The following GRID2 variants were observed in gnomAD, a reference collection of about 807,000 sequenced individuals.
The protein encoded by GRID2 is glutamate ionotropic receptor delta type subunit 2.
In GRID2, 33 loss-of-function variants were observed where a neutral mutation model predicts 114.8. That is an observed-to-expected ratio of 0.29 (90% CI 0.22 to 0.38). The LOEUF (loss-of-function observed/expected upper bound fraction) is 0.38. Ranked by LOEUF, GRID2 falls within the 10% of genes least tolerant of loss-of-function variation. The probability of loss-of-function intolerance (pLI) is 1.00; values close to 1 mark genes in which losing one functional copy is unlikely to be tolerated. For synonymous variants in GRID2, 505 were observed against 449.9 expected, an observed-to-expected ratio of 1.12 and a Z score of -1.55; for missense variants, 1,184 against 1,257.7, an observed-to-expected ratio of 0.94 and a Z score of 0.89.
chr4:92,654,337 T>C (rs765644379), intron 2 of GRID2, among the ~76,000 whole-genome samples: 6 of 151,952 alleles, frequency 3.9e-5, no homozygotes, highest in Non-Finnish European at 8.8e-5. Context: ...TTAACCAAAT[T>C]ACCTCCCCAA....
chr4:92,492,698 A>G (rs546411255), intron 1 of GRID2, among the ~76,000 whole-genome samples: 22 of 152,288 alleles, frequency 1.4e-4, no homozygotes, highest in Non-Finnish European at 3.1e-4. Flanking sequence ...GCTCCTAGGA[A>G]CCAACAGCTT....
chr4:92,413,809 A>C (rs1166323182), intron 1 of GRID2, among the ~76,000 whole-genome samples: 2 of 152,110 alleles, frequency 1.3e-5, no homozygotes, highest in Admixed American at 1.3e-4. Flanking sequence ...AATGTGAAGA[A>C]ATTTTAGTAT....
intron 2 of GRID2, among the ~76,000 whole-genome samples, chr4:92,905,113 CTTAA>C: frequency 6.6e-6 from 1 of 152,018 alleles, no homozygotes; most frequent in South Asian, 2.1e-4. Flanking sequence ...AATTTCCCTA[CTTAA>C]TTAAGAAATG....
At chr4:93,735,371 A>C (rs1198648836) in intron 14 of GRID2, among the ~76,000 whole-genome samples, 1 of 152,010 alleles carries the variant, frequency 6.6e-6, no homozygotes, top group African/African-American at 2.4e-5. Flanking sequence ...CAACCTAAAG[A>C]AAGTTTTATG....
Position 92,444,496 on chromosome 4 carries a change from T to C in GRID2, c.88+139752T>C, listed in dbSNP as rs552353697. Reference sequence around the variant, plus strand: ...TAATGTCATCACTTAAGGCAAGGACTGGCCATTTACACTTCTTTTGTGGTG... The same window carrying C: ...TAATGTCATCACTTAAGGCAAGGACCGGCCATTTACACTTCTTTTGTGGTG... On this transcript the variant is annotated intron_variant, in intron 1 of 15. Coordinates refer to ENST00000282020, the MANE Select transcript of GRID2 (RefSeq NM_001510.4). Among the ~76,000 whole-genome samples, 79 of 152,248 alleles carry C rather than the reference T, an allele frequency of 5.2e-4. 1 individual carries two copies. The South Asian group carries it at 0.016, about 30-fold the overall frequency.
chr4:92,777,547 G>A (rs111966719), intron 2 of GRID2, among the ~76,000 whole-genome samples: 2 of 152,030 alleles, frequency 1.3e-5, no homozygotes, highest in African/African-American at 4.8e-5. Flanking sequence ...TAAACGAGAT[G>A]ATCTGGACTG....
chr4:93,343,436 C>T (rs1308117639), intron 8 of GRID2, among the ~76,000 whole-genome samples: 1 of 152,014 alleles, frequency 6.6e-6, no homozygotes, highest in East Asian at 1.9e-4. Flanking sequence ...TTGTTTTCCA[C>T]TTTCAACTGT....
intron 2 of GRID2, among the ~76,000 whole-genome samples, chr4:93,061,088 G>A (rs2149292731): frequency 6.7e-6 from 1 of 150,196 alleles, no homozygotes; most frequent in East Asian, 2.0e-4. Flanking sequence ...GGGCAACAGA[G>A]CAAGACTCCA....
intron 14 of GRID2, among the ~76,000 whole-genome samples, chr4:93,701,204 T>C (rs1727479240): frequency 6.6e-6 from 1 of 152,128 alleles, no homozygotes; most frequent in Non-Finnish European, 1.5e-5. Context: ...CTTGTCCACT[T>C]CCATCTTACA....
chr4:92,952,884 G>C (rs1362951090), intron 2 of GRID2, among the ~76,000 whole-genome samples: 3 of 152,144 alleles, frequency 2.0e-5, no homozygotes, highest in African/African-American at 4.8e-5. Flanking sequence ...CTCTTAGAGC[G>C]AGAAGTGAAA....
chr4:93,518,800 G>A (rs1175779990), intron 13 of GRID2, among the ~76,000 whole-genome samples: 1 of 152,052 alleles, frequency 6.6e-6, no homozygotes, highest in African/African-American at 2.4e-5. Context: ...TGAGTAAAGT[G>A]TTTTTAGAAA....
At chr4:92,657,547 A>ATTTATT (rs1177018798) in intron 2 of GRID2, among the ~76,000 whole-genome samples, 2 of 151,672 alleles carry the variant, frequency 1.3e-5, no homozygotes, top group Non-Finnish European at 2.9e-5. Flanking sequence ...CTGGATATTT[A>ATTTATT]TTTATTTTTA....
Position 92,728,334 on chromosome 4 carries a change from A to T in GRID2, c.244+138048A>T, listed in dbSNP as rs6855449. On this transcript the variant is annotated intron_variant, in intron 2 of 15. Coordinates refer to ENST00000282020, the MANE Select transcript of GRID2 (RefSeq NM_001510.4). ...GCTGTGGGTCAGAAACCCAGAAACA[A>T]CTTATCTGGGTAAGTCTGATTCAAA... Among the ~76,000 whole-genome samples, 1,206 of 152,204 alleles carry T rather than the reference A, an allele frequency of 7.9e-3. 19 individuals carry two copies. The highest frequency in any genetic ancestry group is 0.026 in the African/African-American group (1,089 of 41,550).
At chr4:92,564,930 G>C (rs980528602) in intron 1 of GRID2, among the ~76,000 whole-genome samples, 1 of 151,976 alleles carries the variant, frequency 6.6e-6, no homozygotes, top group African/African-American at 2.4e-5. Context: ...AGAGTGGGAA[G>C]TATATCATGC....
At chr4:93,218,789 A>G (rs1744535876) in intron 6 of GRID2, among the ~76,000 whole-genome samples, 1 of 152,178 alleles carries the variant, frequency 6.6e-6, no homozygotes, top group Admixed American at 6.6e-5. Flanking sequence ...ACAGTTCCTC[A>G]GGGCAGGGAA....
intron 2 of GRID2, among the ~76,000 whole-genome samples, chr4:92,876,450 G>A (rs1319121287): frequency 6.6e-6 from 1 of 151,940 alleles, no homozygotes; most frequent in African/African-American, 2.4e-5. Flanking sequence ...GACTACAGGT[G>A]CCTGCCACCA....
At chr4:93,042,959 C>G (rs1322402374) in intron 2 of GRID2, among the ~76,000 whole-genome samples, 1 of 151,738 alleles carries the variant, frequency 6.6e-6, no homozygotes, top group Non-Finnish European at 1.5e-5. Flanking sequence ...AGGGCCTATA[C>G]TTTAGCTGCC....
intron 8 of GRID2, among the ~76,000 whole-genome samples, chr4:93,285,569 TA>T (rs1174718139): frequency 6.6e-6 from 1 of 152,056 alleles, no homozygotes; most frequent in Non-Finnish European, 1.5e-5. Context: ...GTTTAAAACA[TA>T]GATGATTATA....
At chr4:93,011,828 A>G (rs1233795140) in intron 2 of GRID2, among the ~76,000 whole-genome samples, 2 of 152,070 alleles carry the variant, frequency 1.3e-5, no homozygotes, top group East Asian at 1.9e-4. Flanking sequence ...TTGCTATCCA[A>G]TAGAAAGAAC....
Sources: gnomAD v4.1 joint callset for allele counts (sites outside exome capture counted in the v4.1 genomes callset) on GRCh38, gnomAD v4.1.1 for gene constraint, MANE v1.5 for transcripts, NCBI Gene and HGNC (gene_info 2026-07-23, HGNC 2026-07-21) for gene names.